The following DPP6 variants were observed in gnomAD, a reference collection of about 807,000 sequenced individuals.
The protein encoded by DPP6 is dipeptidyl peptidase like 6.
In DPP6, 69 loss-of-function variants were observed where a neutral mutation model predicts 122.6. The observed-to-expected ratio is 0.56, with a 90% CI of 0.46 to 0.69. DPP6 has a LOEUF of 0.69. DPP6 is among the 30% of genes least tolerant of loss of function. DPP6 has a pLI of 0.00. For synonymous variants in DPP6, 418 were observed against 433.1 expected (o/e 0.97, Z 0.43); for missense variants, 928 against 1,116.9 (o/e 0.83, Z 2.41).
At chr7:154,722,269 C>G (rs1248732477) in intron 7 of DPP6, among the ~76,000 whole-genome samples, 1 of 152,254 alleles carries the variant, frequency 6.6e-6, no homozygotes, top group Non-Finnish European at 1.5e-5. Context: ...AGGCAGATAA[C>G]AGTCCAGCAG....
intron 5 of DPP6, among the ~76,000 whole-genome samples, chr7:154,596,682 A>G (rs937233744): frequency 2.6e-5 from 4 of 152,200 alleles, no homozygotes; most frequent in African/African-American, 9.6e-5. Context: ...ACCAGAGGAG[A>G]GGAGCATTGA....
At chr7:153,831,317 A>G in the DPP6 span, among the ~76,000 whole-genome samples, 3 of 152,166 alleles carry the variant, frequency 2.0e-5, no homozygotes, top group South Asian at 2.1e-4. Context: ...CACGTTTTCT[A>G]TGACCTATAA....
At chr7:154,345,946 G>A (rs1037861598) in intron 1 of DPP6, among the ~76,000 whole-genome samples, 1 of 152,176 alleles carries the variant, frequency 6.6e-6, no homozygotes, top group Admixed American at 6.5e-5. Flanking sequence ...CTTTCTGTCA[G>A]TCAGACAGAC....
At chr7:154,054,829 A>G (rs1036455994) in intron 1 of DPP6, among the ~76,000 whole-genome samples, 12 of 149,444 alleles carry the variant, frequency 8.0e-5, no homozygotes, top group African/African-American at 3.0e-4. Context: ...AACAATGTGC[A>G]GTTTTTTTCT....
intron 7 of DPP6, among the ~76,000 whole-genome samples, chr7:154,679,624 T>C (rs549889889): frequency 3.8e-4 from 58 of 152,288 alleles, no homozygotes; most frequent in African/African-American, 1.3e-3. Flanking sequence ...GGGAGGAAGA[T>C]TGATCTTTCC....
intron 1 of DPP6, among the ~76,000 whole-genome samples, chr7:154,296,671 G>A (rs182489433): frequency 2.1e-4 from 32 of 152,344 alleles, no homozygotes; most frequent in Admixed American, 9.1e-4. Flanking sequence ...CCCATGTGAC[G>A]TATACTAGAA....
chr7:154,632,736 G>A (rs909953592), intron 5 of DPP6, among the ~76,000 whole-genome samples: 2 of 149,512 alleles, frequency 1.3e-5, no homozygotes, highest in African/African-American at 5.1e-5. Flanking sequence ...TGTAAAGGGA[G>A]TAGATGAGTG....
chr7:153,991,128 G>A (rs1253426519), intron 1 of DPP6, among the ~76,000 whole-genome samples: 1 of 152,206 alleles, frequency 6.6e-6, no homozygotes, highest in Non-Finnish European at 1.5e-5. Context: ...GGAGACTGTG[G>A]TCGTCAGGCT....
rs1461688178 is a variant in DPP6, at chr7:154,877,063, C to T, written c.2078+963C>T. 9 of 152,216 alleles carry T rather than the reference C, an allele frequency of 5.9e-5. No individual in the cohort carries two copies. The highest frequency in any genetic ancestry group is 4.1e-4 in the South Asian group (2 of 4,824). 9.4% of individuals were successfully genotyped at this position (152,216 alleles called of 1,614,324 possible). ...CATGTTTATTGACTGGACCTGGCATCTCTGTACCTATTATACCAGGGTGCT... is the reference window on the plus strand; with the variant it reads ...CATGTTTATTGACTGGACCTGGCATTTCTGTACCTATTATACCAGGGTGCT... On this transcript the variant is annotated intron_variant, in intron 20 of 25. Transcript: ENST00000377770. The surrounding 1 kb of genome is among the most constrained non-coding windows in gnomAD (Gnocchi z 5.2).
intron 1 of DPP6, among the ~76,000 whole-genome samples, chr7:153,996,478 C>G (rs1563085518): frequency 1.3e-5 from 2 of 151,680 alleles, no homozygotes; most frequent in South Asian, 2.1e-4. Flanking sequence ...AGACATGGCA[C>G]TTCCATGTCT....
upstream of DPP6, among the ~76,000 whole-genome samples, chr7:153,882,467 A>G (rs1484745849): frequency 6.6e-6 from 1 of 152,258 alleles, no homozygotes; most frequent in African/African-American, 2.4e-5. Context: ...CAACAAGAAA[A>G]TAACACTGAT....
chr7:153,989,249 C>CAG (rs137913697), intron 1 of DPP6, among the ~76,000 whole-genome samples: 21 of 123,836 alleles, frequency 1.7e-4, no homozygotes, highest in Non-Finnish European at 1.7e-5. Context: ...GTGTGTGTCA[C>CAG]TGAGTGGGCG....
chr7:154,319,180 C>A (rs538983587), intron 1 of DPP6, among the ~76,000 whole-genome samples: 7 of 152,274 alleles, frequency 4.6e-5, no homozygotes, highest in Admixed American at 6.5e-5. Context: ...AAAAATTATA[C>A]CTAATGATTA....
intron 8 of DPP6, among the ~76,000 whole-genome samples, chr7:154,734,355 G>T (rs189104832): frequency 5.1e-4 from 77 of 152,316 alleles, no homozygotes; most frequent in African/African-American, 1.8e-3. Flanking sequence ...CTGGAGTGTA[G>T]ATTCTTGATT....
At chr7:154,268,227 G>A (rs1006711165) in intron 1 of DPP6, among the ~76,000 whole-genome samples, 2 of 152,180 alleles carry the variant, frequency 1.3e-5, no homozygotes, top group Non-Finnish European at 2.9e-5. Flanking sequence ...GGGAGACAAA[G>A]CTTATCTACA....
chr7:154,072,547 T>A (rs1459226757), intron 1 of DPP6, among the ~76,000 whole-genome samples: 1 of 152,278 alleles, frequency 6.6e-6, no homozygotes, highest in Non-Finnish European at 1.5e-5. Flanking sequence ...CAGAGTTGGC[T>A]CACTGTTTCC....
In DPP6 at chr7:154,789,075, A is replaced by C. The variant is rs145366239; in HGVS notation, c.1137-5004A>C. On this transcript the variant is annotated intron_variant, in intron 10 of 25. Transcript: ENST00000377770. ...CTCACAGTTCCGCACCTCAGGAAGGAGAATGCCTCCCACACCTGATACCTG... is the reference window on the plus strand; with the variant it reads ...CTCACAGTTCCGCACCTCAGGAAGGCGAATGCCTCCCACACCTGATACCTG... 6.3e-4 allele frequency among the ~76,000 whole-genome samples: 96 copies of C among 152,190 alleles called. 1 individual carries two copies. In the South Asian group the frequency reaches 7.0e-3, roughly 11 times the overall value.
At chr7:154,107,403 A>G (rs1249733903) in intron 1 of DPP6, among the ~76,000 whole-genome samples, 1 of 152,140 alleles carries the variant, frequency 6.6e-6, no homozygotes, top group African/African-American at 2.4e-5. Context: ...AGAGGCAGAG[A>G]CTAGCTCAGG....
intron 1 of DPP6, among the ~76,000 whole-genome samples, chr7:153,949,795 A>C (rs989802966): frequency 2.0e-5 from 3 of 152,224 alleles, no homozygotes. Context: ...TCCTCCTTGC[A>C]TGAAAGGGAA....
Sources: gnomAD v4.1 joint callset for allele counts (sites outside exome capture counted in the v4.1 genomes callset) on GRCh38, gnomAD v4.1.1 for gene constraint, Gnocchi (gnomAD v3.1) non-coding constraint, MANE v1.5 for transcripts, NCBI Gene and HGNC (gene_info 2026-07-23, HGNC 2026-07-21) for gene names.